GALNT17: variants seen among roughly 807,000 people sequenced by gnomAD.
GALNT17 encodes polypeptide N-acetylgalactosaminyltransferase 17.
GALNT17 carries 29 observed loss-of-function variants against 63.7 expected under a neutral mutation model. The observed-to-expected ratio is 0.46, with a 90% CI of 0.34 to 0.62. GALNT17 has a LOEUF of 0.62. Among genes scored for constraint, GALNT17 ranks in the 20% least tolerant of loss-of-function variants. GALNT17 has a pLI of 0.01. For synonymous variants in GALNT17, 305 were observed against 318.3 expected (o/e 0.96, Z 0.45); for missense variants, 603 against 799.6 (o/e 0.75, Z 2.97).
chr7:71,482,081 A>ATGTGTGTGTGTGTGTGTGTGTGTG lies in GALNT17; in HGVS notation c.962+60986_962+61009dup, dbSNP rs10678512. On this transcript the variant is annotated intron_variant, in intron 5 of 10. Coordinates refer to ENST00000333538, the MANE Select transcript of GALNT17 (RefSeq NM_022479.3). ...GATGTATAGGTATACATATATGTAT[A>ATGTGTGTGTGTGTGTGTGTGTGTG]TGTGTGTGTGTGTGTGTGTGTGTGT... 6.3e-3 allele frequency among the ~76,000 whole-genome samples: 874 copies of ATGTGTGTGTGTGTGTGTGTGTGTG among 138,176 alleles called. 9 individuals carry two copies. Among genetic ancestry groups the ATGTGTGTGTGTGTGTGTGTGTGTG allele is most frequent in the East Asian group, 0.027 (117 of 4,282 alleles). 90.6% of individuals were successfully genotyped at this position (138,176 alleles called of 152,430 possible).
chr7:71,369,584 A>C (rs1350167093), intron 2 of GALNT17, among the ~76,000 whole-genome samples: 2 of 152,082 alleles, frequency 1.3e-5, no homozygotes, highest in Non-Finnish European at 2.9e-5. Flanking sequence ...AGGCAGAGGT[A>C]GGCGGATCAC....
intron 2 of GALNT17, among the ~76,000 whole-genome samples, chr7:71,353,151 A>G (rs753483004): frequency 1.3e-5 from 2 of 152,160 alleles, no homozygotes; most frequent in Admixed American, 6.5e-5. Context: ...CCATTTTGTC[A>G]TAACATAAGA....
At chr7:71,187,842 C>G (rs530941967) in intron 1 of GALNT17, among the ~76,000 whole-genome samples, 1 of 152,114 alleles carries the variant, frequency 6.6e-6, no homozygotes, top group East Asian at 1.9e-4. Context: ...ACCTATCACC[C>G]GAGCAGTATA....
At chr7:71,285,054 A>G (rs1790848661) in intron 1 of GALNT17, among the ~76,000 whole-genome samples, 1 of 152,244 alleles carries the variant, frequency 6.6e-6, no homozygotes, top group African/African-American at 2.4e-5. Context: ...GTGCAAAAGT[A>G]AATATCTATT....
At position 71,369,685 on chromosome 7, in the gene GALNT17, C is replaced by G. The variant is rs979737675; in HGVS notation, c.423-18550C>G. On this transcript the variant is annotated intron_variant, in intron 2 of 10. Transcript: ENST00000333538. ...ACAGTTAGCCCGGTGTCATGGCACG[C>G]GCCTGTAATCCCAGCTACTCGGGAG... Among the ~76,000 whole-genome samples the G allele has an allele frequency of 3.3e-5, 5 of 151,806 alleles. No individual in the cohort carries two copies. In the East Asian group the frequency reaches 9.7e-4, roughly 29 times the overall value.
intron 1 of GALNT17, among the ~76,000 whole-genome samples, chr7:71,177,693 T>C (rs1788664038): frequency 6.6e-6 from 1 of 152,052 alleles, no homozygotes; most frequent in Admixed American, 6.6e-5. Context: ...CATGACAGAG[T>C]TGTTTTTTTA....
chr7:71,614,932 A>C (rs1366290682), intron 6 of GALNT17, among the ~76,000 whole-genome samples: 1 of 151,860 alleles, frequency 6.6e-6, no homozygotes, highest in East Asian at 1.9e-4. Flanking sequence ...AAGCAAAAAA[A>C]ACCACTTCTG....
chr7:71,355,534 A>G (rs919118712), intron 2 of GALNT17, among the ~76,000 whole-genome samples: 2 of 151,196 alleles, frequency 1.3e-5, no homozygotes, highest in Non-Finnish European at 2.9e-5. Flanking sequence ...GTGATCAGAG[A>G]GTGTCTTTTT....
At chr7:71,603,738 A>G (rs886291201) in intron 6 of GALNT17, among the ~76,000 whole-genome samples, 1 of 152,070 alleles carries the variant, frequency 6.6e-6, no homozygotes. Flanking sequence ...ACTGGATACT[A>G]TGCTAAGTAC....
intron 1 of GALNT17, among the ~76,000 whole-genome samples, chr7:71,141,259 C>G (rs538917423): frequency 6.6e-6 from 1 of 151,806 alleles, no homozygotes; most frequent in Non-Finnish European, 1.5e-5. Context: ...CCCAGCTACT[C>G]GGGGGGCTGA....
At chr7:71,347,432 T>C (rs1375794374) in intron 2 of GALNT17, among the ~76,000 whole-genome samples, 1 of 152,150 alleles carries the variant, frequency 6.6e-6, no homozygotes, top group Admixed American at 6.6e-5. Context: ...ATAATATACC[T>C]ATACATTTCA....
At chr7:71,304,199 A>C (rs1298707051) in intron 1 of GALNT17, among the ~76,000 whole-genome samples, 2 of 152,224 alleles carry the variant, frequency 1.3e-5, no homozygotes, top group African/African-American at 4.8e-5. Context: ...GTCTTCATTC[A>C]TTCAATGCAG....
intron 5 of GALNT17, among the ~76,000 whole-genome samples, chr7:71,557,653 C>A (rs549610503): frequency 6.6e-6 from 1 of 152,018 alleles, no homozygotes; most frequent in South Asian, 2.1e-4. Flanking sequence ...TAGCCAGGCC[C>A]GGTGGCGTGT....
chr7:71,678,956 C>A (rs1474369394), intron 9 of GALNT17, among the ~76,000 whole-genome samples: 305 of 113,912 alleles, frequency 2.7e-3, no homozygotes, highest in African/African-American at 3.2e-3. Flanking sequence ...GACTCCATCT[C>A]AAAAAAAAAA....
chr7:71,399,625 T>G lies in GALNT17; in HGVS notation c.589+11224T>G, dbSNP rs1793205639. On this transcript the variant is annotated intron_variant, in intron 3 of 10. Transcript: ENST00000333538. The stretch of plus-strand genomic sequence containing the variant: ...TTTTTTTGTGAATTTTGACTAGTGG[T>G]CTCTGATTCATGAGTTAAATTCATC... Among the ~76,000 whole-genome samples the G allele has an allele frequency of 2.0e-5, 3 of 152,208 alleles. No homozygotes were observed. In the South Asian group the frequency reaches 6.2e-4, roughly 31 times the overall value.
chr7:71,360,583 A>G (rs1439158806), intron 2 of GALNT17, among the ~76,000 whole-genome samples: 1 of 152,218 alleles, frequency 6.6e-6, no homozygotes, highest in Non-Finnish European at 1.5e-5. Context: ...TCACATTGCC[A>G]TTGTTCCTCT....
chr7:71,431,394 A>G (rs1017418487), intron 5 of GALNT17, among the ~76,000 whole-genome samples: 26 of 151,780 alleles, frequency 1.7e-4, no homozygotes, highest in South Asian at 8.3e-4. Flanking sequence ...TACATTTAAT[A>G]GAGATGGGTT....
rs191850076 is a variant in GALNT17 at position 71,345,598 on chromosome 7, G to A, written c.422+9865G>A. 6.4e-4 allele frequency among the ~76,000 whole-genome samples: 97 copies of A among 152,298 alleles called. 1 individual carries two copies. Among genetic ancestry groups the A allele is most frequent in the Non-Finnish European group, 1.1e-3 (76 of 68,030 alleles). ...TTGTGGTCTGGAGGTCAGGAATGAT[G>A]TCTGGGCTGACCATGGGTATTTGAG... On this transcript the variant is annotated intron_variant, in intron 2 of 10. Transcript: ENST00000333538.
At chr7:71,582,488 G>A (rs1789650953) in intron 6 of GALNT17, among the ~76,000 whole-genome samples, 2 of 152,052 alleles carry the variant, frequency 1.3e-5, no homozygotes, top group East Asian at 3.9e-4. Context: ...GGCTGAGGAA[G>A]GGGAATCTCT....
Sources: gnomAD v4.1 joint callset for allele counts (sites outside exome capture counted in the v4.1 genomes callset) on GRCh38, gnomAD v4.1.1 for gene constraint, MANE v1.5 for transcripts, NCBI Gene and HGNC (gene_info 2026-07-23, HGNC 2026-07-21) for gene names.